The following PRR5L variants were observed in gnomAD, a reference collection of about 807,000 sequenced individuals.
PRR5L encodes the protein proline rich 5 like, also known as proline-rich protein 5-like.
In PRR5L, 21 loss-of-function variants were observed where a neutral mutation model predicts 36.4. That is an observed-to-expected ratio of 0.58 (90% confidence interval 0.41 to 0.83). The LOEUF is 0.83. PRR5L is among the 40% of genes least tolerant of loss of function. The probability of loss-of-function intolerance (pLI) is 0.00; values close to 1 mark genes in which losing one functional copy is unlikely to be tolerated. For synonymous variants in PRR5L, 188 were observed against 197.0 expected (o/e 0.95, Z 0.38); for missense variants, 381 against 473.3 (o/e 0.80, Z 1.81).
intron 1 of PRR5L, among the ~76,000 whole-genome samples, chr11:36,382,014 C>T (rs330256): frequency 3.3e-5 from 5 of 152,124 alleles, no homozygotes; most frequent in Admixed American, 6.5e-5. Flanking sequence ...AAAAATGAGC[C>T]GGGCATGGTG....
At chr11:36,337,358 G>A (rs770832215) in intron 1 of PRR5L, among the ~76,000 whole-genome samples, 1 of 152,128 alleles carries the variant, frequency 6.6e-6, no homozygotes, top group Non-Finnish European at 1.5e-5. Context: ...TCAGCAAAAG[G>A]TGCCATCTAT....
Position 36,417,940 on chromosome 11 carries a change from T to G in PRR5L, c.246-1315T>G, listed in dbSNP as rs191339051. Among the ~76,000 whole-genome samples, 34 of 152,366 alleles carry G rather than the reference T, an allele frequency of 2.2e-4. No individual in the cohort carries two copies. The South Asian group carries it at 4.1e-3, about 19-fold the overall frequency. ...GATCTGGGGAGCCAGTTATTCTTGC[T>G]TTTTGTTCCCTTACCTTGTCTGGAT... On this transcript the variant is annotated intron_variant, in intron 3 of 8. Transcript: ENST00000530639.
Position 36,451,595 on chromosome 11 carries a change from T to C in PRR5L, c.712+260T>C, listed in dbSNP as rs114266996. 3.1e-3 allele frequency among the ~76,000 whole-genome samples: 477 copies of C among 152,340 alleles called. 5 individuals are homozygous for C. The highest frequency in any genetic ancestry group is 0.011 in the African/African-American group (466 of 41,574). ...TGCCTTTGCGGTGGTGCTTGTCTGATCCACATCTTTGATCAGTGGCTTTGA... is the reference window on the plus strand; with the variant it reads ...TGCCTTTGCGGTGGTGCTTGTCTGACCCACATCTTTGATCAGTGGCTTTGA... On this transcript the variant is annotated intron_variant, in intron 8 of 8. Coordinates refer to ENST00000530639, the MANE Select transcript of PRR5L (RefSeq NM_001160167.2).
At chr11:36,385,557 A>C (rs1239035181) in intron 1 of PRR5L, among the ~76,000 whole-genome samples, 1 of 152,168 alleles carries the variant, frequency 6.6e-6, no homozygotes, top group Non-Finnish European at 1.5e-5. Flanking sequence ...GTTTGCCCTA[A>C]TATTTATTGT....
At position 36,303,333 on chromosome 11, in the gene PRR5L, C is replaced by T. The variant is rs549592366; in HGVS notation, c.-126+6895C>T. Among the ~76,000 whole-genome samples the T allele has an allele frequency of 7.2e-5, 11 of 152,344 alleles. No individual in the cohort carries two copies. The South Asian group carries it at 2.1e-3, about 29-fold the overall frequency. ...AATGCCCAATCCATACCCCACTGAA[C>T]ACCTAGCTCTGTGCCTTCTTGGCAG... On this transcript the variant is annotated intron_variant, in intron 1 of 8. Transcript: ENST00000530639.
intron 3 of PRR5L, among the ~76,000 whole-genome samples, chr11:36,412,170 T>G (rs1427144412): frequency 6.6e-6 from 1 of 152,112 alleles, no homozygotes; most frequent in African/African-American, 2.4e-5. Context: ...GCCAGGCAGC[T>G]CTGGGCTCCC....
chr11:36,376,064 C>T, intron 1 of PRR5L: 1 of 953,942 alleles, frequency 1.0e-6, no homozygotes, highest in South Asian at 1.4e-5. Context: ...GAGAGAAACG[C>T]AAGCACGGAG....
intron 1 of PRR5L, among the ~76,000 whole-genome samples, chr11:36,331,224 T>C (rs1055919236): frequency 1.3e-5 from 2 of 152,236 alleles, no homozygotes; most frequent in East Asian, 1.9e-4. Flanking sequence ...ACATGCTTCA[T>C]AGGCAATTTA....
At chr11:36,396,868 C>T (rs1010550185) in intron 1 of PRR5L, among the ~76,000 whole-genome samples, 6 of 152,136 alleles carry the variant, frequency 3.9e-5, no homozygotes, top group African/African-American at 1.4e-4. Flanking sequence ...TTATTTATCT[C>T]AGGGGCATGA....
Position 36,374,045 on chromosome 11 carries a change from TCCTCCTTCCTTC to T in PRR5L, c.-125-26950_-125-26939del, listed in dbSNP as rs1412172279. Among the ~76,000 whole-genome samples, 5 of 143,864 alleles carry T rather than the reference TCCTCCTTCCTTC, an allele frequency of 3.5e-5. No individual in the cohort carries two copies. The Admixed American group carries it at 3.6e-4, about 10-fold the overall frequency. The allele number at this position is 143,864 out of a possible 152,430, so 94.4% of individuals were successfully genotyped here. ...TGGTAAAAGACAGATAATAATTTTT[TCCTCCTTCCTTC>T]CTTCCTTCCTTCCTTCCTTCCTTCC... On this transcript the variant is annotated intron_variant, in intron 1 of 8. Transcript: ENST00000530639.
At chr11:36,399,561 C>G (rs146826404) in intron 1 of PRR5L, among the ~76,000 whole-genome samples, 29 of 152,320 alleles carry the variant, frequency 1.9e-4, no homozygotes, top group Non-Finnish European at 3.4e-4. Context: ...CCCTGGCAAC[C>G]TGAAGGTTGA....
chr11:36,457,560 C>G (rs1263705829), intron 8 of PRR5L, among the ~76,000 whole-genome samples: 1 of 151,246 alleles, frequency 6.6e-6, no homozygotes, highest in South Asian at 2.1e-4. Context: ...GAGCCAAGTT[C>G]GCGCCACTGC....
chr11:36,397,067 C>CTTTTTT (rs11300346), intron 1 of PRR5L, among the ~76,000 whole-genome samples: 37 of 130,620 alleles, frequency 2.8e-4, no homozygotes, highest in Non-Finnish European at 3.5e-4. Flanking sequence ...GTTTTCTTTT[C>CTTTTTT]TTTTTTTTTT....
intron 1 of PRR5L, among the ~76,000 whole-genome samples, chr11:36,384,754 C>A (rs573424555): frequency 6.6e-6 from 1 of 151,964 alleles, no homozygotes; most frequent in East Asian, 1.9e-4. Flanking sequence ...CTCACTGCAG[C>A]CTTGAACTCC....
intron 3 of PRR5L, 76 bp downstream of exon 3, chr11:36,403,454 G>C: frequency 9.6e-7 from 1 of 1,044,678 alleles, no homozygotes; most frequent in Non-Finnish European, 1.4e-6. Flanking sequence ...CGCCTTAGGA[G>C]CCTTAAGGGT....
At chr11:36,435,681 C>G (rs1590588045) in intron 5 of PRR5L, among the ~76,000 whole-genome samples, 2 of 152,148 alleles carry the variant, frequency 1.3e-5, no homozygotes, top group African/African-American at 4.8e-5. Context: ...GCAGATTCTC[C>G]TGGGCTGTGT....
chr11:36,370,902 A>C (rs906445206), intron 1 of PRR5L, among the ~76,000 whole-genome samples: 2 of 146,636 alleles, frequency 1.4e-5, no homozygotes, highest in Admixed American at 6.9e-5. Flanking sequence ...CAAACAAAAG[A>C]AAGCAAACAA....
At chr11:36,342,464 A>G (rs1856826662) in intron 1 of PRR5L, among the ~76,000 whole-genome samples, 1 of 152,314 alleles carries the variant, frequency 6.6e-6, no homozygotes, top group South Asian at 2.1e-4. Flanking sequence ...AGGCAGCTCT[A>G]TGTGTGCCAG....
At chr11:36,459,513 C>CT (rs1332397517) in intron 8 of PRR5L, among the ~76,000 whole-genome samples, 1 of 152,196 alleles carries the variant, frequency 6.6e-6, no homozygotes, top group African/African-American at 2.4e-5. Flanking sequence ...GGCAATGGGG[C>CT]TTACCCGGTT....
Sources: allele counts gnomAD v4.1 joint callset (sites outside exome capture counted in the v4.1 genomes callset), GRCh38; gene constraint gnomAD v4.1.1; transcripts MANE v1.5; gene names NCBI Gene and HGNC (gene_info 2026-07-23, HGNC 2026-07-21).